The following OR13C3 variants were observed in gnomAD, a reference collection of about 807,000 sequenced individuals.
The protein encoded by OR13C3 is olfactory receptor family 13 subfamily C member 3.
OR13C3 carries 19 observed loss-of-function variants against 14.4 expected under a neutral mutation model. The observed-to-expected ratio is 1.31, with a 90% CI of 0.92 to 1.93. The LOEUF is 1.93. Ranked by LOEUF, OR13C3 falls within the 30% of genes most tolerant of loss-of-function variation. The pLI is 0.00. For missense variants in OR13C3, 394 were observed against 381.4 expected, an observed-to-expected ratio of 1.03 and a Z score of -0.27; for synonymous variants, 140 against 142.5, an observed-to-expected ratio of 0.98 and a Z score of 0.12.
At chr9:104,536,233 A>G (rs1828815526) in exon 1 of OR13C3, 3 of 1,613,390 alleles carry the variant, frequency 1.9e-6, no homozygotes, top group Non-Finnish European at 1.7e-6. Context: ...AGGCAGTCTC[A>G]TGGCAAGTAA....
Position 104,535,778 on chromosome 9 carries a change from T to C in OR13C3, c.946A>G (p.Ile316Val), listed in dbSNP as rs555289507. The C allele has an allele frequency of 1.7e-4, 269 of 1,601,728 alleles. 5 individuals carry two copies. In the South Asian group the frequency reaches 2.8e-3, roughly 17 times the overall value. The change falls in exon 1 of 1, where the codon ATT becomes GTT. Residue 316 changes from isoleucine to valine, a missense_variant. Ile to Val is a conservative substitution (Grantham distance 29, BLOSUM62 3). Transcript: ENST00000641090. ...TACATGTCCTGGTTTCATTAGTGAA[T>C]TGGTTTTTTGTTCAGCAAATATTTT...
exon 1 of OR13C3, chr9:104,535,928 C>A (rs151168466): frequency 6.2e-7 from 1 of 1,614,120 alleles, no homozygotes; most frequent in Non-Finnish European, 8.5e-7. Context: ...CCAATCAGGT[C>A]TTGAGACTTC....
chr9:104,535,895 C>G (rs750100611), exon 1 of OR13C3: 1 of 1,613,906 alleles, frequency 6.2e-7, no homozygotes, highest in Non-Finnish European at 8.5e-7. Context: ...ATGAGCTTGT[C>G]TAATGCTTGC....
At chr9:104,536,272 G>T (rs746666985) in exon 1 of OR13C3, 2 of 1,614,060 alleles carry the variant, frequency 1.2e-6, no homozygotes, top group South Asian at 1.1e-5. Context: ...TATTCCACCG[G>T]ACAGCCAGGA....
exon 1 of OR13C3, chr9:104,536,153 C>T: frequency 1.2e-6 from 2 of 1,613,956 alleles, no homozygotes; most frequent in East Asian, 2.2e-5. Flanking sequence ...AGGGATATAT[C>T]AGCACAGGCC....
At chr9:104,536,701 A>C in exon 1 of OR13C3, 1 of 1,613,738 alleles carries the variant, frequency 6.2e-7, no homozygotes, top group Non-Finnish European at 8.5e-7. Context: ...TTCTGACACA[A>C]GTGTCTGGTT....
exon 1 of OR13C3, chr9:104,536,587 A>G (rs746890321): frequency 5.6e-6 from 9 of 1,613,878 alleles, no homozygotes; most frequent in Non-Finnish European, 7.6e-6. Flanking sequence ...GCTGGCTATG[A>G]TTAGAACACC....
chr9:104,536,295 C>A (rs1399905289), exon 1 of OR13C3: 2 of 1,614,066 alleles, frequency 1.2e-6, no homozygotes. Flanking sequence ...CAGAAGCCAT[C>A]AATACATACG....
Position 104,536,000 on chromosome 9 carries a change from AG to A in OR13C3, c.723del (p.Ser242GlnfsTer4). 1 of 1,614,050 alleles carries A rather than the reference AG, an allele frequency of 6.2e-7. No homozygotes were observed. The highest frequency in any genetic ancestry group is 2.2e-5 in the East Asian group (1 of 44,868). On this transcript the variant is annotated frameshift_variant, in exon 1 of 1. Transcript: ENST00000641090. LOFTEE classifies it high-confidence loss of function. ...ATGATCACCACAGTCAGGTGAGCTG[AG>A]CACGTGGAAAATGCCTTGCGTCTTC... is the stretch of plus-strand genomic sequence containing the variant.
At chr9:104,536,417 A>G (rs1262317106) in exon 1 of OR13C3, 4 of 1,614,062 alleles carry the variant, frequency 2.5e-6, no homozygotes, top group Non-Finnish European at 3.4e-6. Context: ...GCAAACCCAA[A>G]GAACATCTGC....
rs76182454 is a variant in OR13C3 at position 104,536,713 on chromosome 9, A to G, written c.11T>C (p.Ile4Thr). 7.6e-5 allele frequency: 122 copies of G among 1,613,880 alleles called. No homozygotes were observed. The Admixed American group carries it at 2.0e-3, about 27-fold the overall frequency. ...AAATTCTGACACAAGTGTCTGGTTA[A>G]TCTCACCCATGTCATCTGCTTTCAG... The change falls in exon 1 of 1, where the codon ATT (isoleucine) becomes ACT (threonine). Residue 4 changes from isoleucine (I) to threonine (T), a missense_variant. Ile to Thr is a moderately conservative substitution (Grantham distance 89). Transcript: ENST00000641090.
exon 1 of OR13C3, chr9:104,536,194 A>C (rs771746739): frequency 8.7e-6 from 14 of 1,614,068 alleles, no homozygotes; most frequent in African/African-American, 1.3e-5. Flanking sequence ...TTCACATGCG[A>C]AATGATTGAT....
At position 104,536,845 on chromosome 9, in the gene OR13C3, T is replaced by A; in HGVS notation, c.-122A>T. On this transcript the variant is annotated 5_prime_UTR_variant, in exon 1 of 1. It adds an upstream start codon to the 5' untranslated region. Transcript: ENST00000641090. ...GACACATATTAGAAGGAGTGCTTGC[T>A]TGAAGTTCTGACATCCAGTTATCTT... 1 of 1,504,418 alleles carries A rather than the reference T, an allele frequency of 6.6e-7. No individual in the cohort carries two copies. Among genetic ancestry groups the A allele is most frequent in the Non-Finnish European group, 9.1e-7 (1 of 1,095,590 alleles). The allele number at this position is 1,504,418 out of a possible 1,614,324, so 93.2% of individuals were successfully genotyped here.
At chr9:104,535,759 T>C (rs1588115642) in exon 1 of OR13C3, 2 of 1,559,186 alleles carry the variant, frequency 1.3e-6, no homozygotes. Flanking sequence ...GACCTACATG[T>C]CCTGGTTTCA....
chr9:104,535,792 A>G lies in OR13C3; in HGVS notation c.932T>C (p.Leu311Pro), dbSNP rs1056759820. 7 of 1,610,386 alleles carry G rather than the reference A, an allele frequency of 4.3e-6. No individual in the cohort carries two copies. The East Asian group carries it at 1.6e-4, about 36-fold the overall frequency. The change falls in exon 1 of 1, where the codon CTG becomes CCG. Residue 311 changes from leucine (L) to proline (P), a missense_variant. Leu to Pro is a moderately conservative substitution (Grantham distance 98). Coordinates refer to ENST00000641090, the Ensembl canonical transcript of OR13C3. ...TCATTAGTGAATTGGTTTTTTGTTC[A>G]GCAAATATTTTACAGCAGCTTTTAC... is the stretch of plus-strand genomic sequence containing the variant.
chr9:104,536,293 A>G (rs769739499), exon 1 of OR13C3: 35 of 1,614,062 alleles, frequency 2.2e-5, no homozygotes, highest in Non-Finnish European at 3.0e-5. Context: ...CACAGAAGCC[A>G]TCAATACATA....
At chr9:104,536,204 T>G (rs1218546835) in exon 1 of OR13C3, 13 of 1,613,998 alleles carry the variant, frequency 8.1e-6, no homozygotes, top group Non-Finnish European at 9.3e-6. Flanking sequence ...AAATGATTGA[T>G]AATATTATTC....
In OR13C3 at chr9:104,536,812, A is replaced by G; in HGVS notation, c.-89T>C. ...AACAGTACAAATTAACTGAACAATC[A>G]TTCTTTTGACACATATTAGAAGGAG... On this transcript the variant is annotated 5_prime_UTR_variant, in exon 1 of 1. The change abolishes an upstream ATG in the 5' untranslated region. Coordinates refer to ENST00000641090, the Ensembl canonical transcript of OR13C3. 6.2e-7 allele frequency: 1 copy of G among 1,605,636 alleles called. No individual in the cohort carries two copies. Among genetic ancestry groups the G allele is most frequent in the Non-Finnish European group, 8.5e-7 (1 of 1,174,480 alleles).
chr9:104,536,221 A>G, exon 1 of OR13C3: 1 of 1,614,180 alleles, frequency 6.2e-7, no homozygotes, highest in South Asian at 1.1e-5. Context: ...ATTCCCACAG[A>G]AAGGCAGTCT....
Sources: gnomAD v4.1 joint callset for allele counts on GRCh38, gnomAD v4.1.1 for gene constraint, MANE v1.5 for transcripts, NCBI Gene and HGNC (gene_info 2026-07-23, HGNC 2026-07-21) for gene names.